THOP1: variants seen among roughly 807,000 people sequenced by gnomAD.
THOP1 encodes thimet oligopeptidase.
THOP1 carries 49 observed loss-of-function variants against 71.8 expected under a neutral mutation model. The ratio of observed to expected loss-of-function variants is 0.68; its 90% CI spans 0.54 to 0.87. The LOEUF (loss-of-function observed/expected upper bound fraction) is 0.87, where lower values mean the gene tolerates loss of function less well. Ranked by LOEUF, THOP1 falls within the 40% of genes least tolerant of loss-of-function variation. The pLI is 0.00. For missense variants in THOP1, 843 were observed against 975.6 expected, an observed-to-expected ratio of 0.86 and a Z score of 1.81; for synonymous variants, 426 against 421.5, an observed-to-expected ratio of 1.01 and a Z score of -0.13.
Position 2,799,681 on chromosome 19 carries a change from CT to C in THOP1, c.487-7del, listed in dbSNP as rs1410516486. Reference sequence around the variant, plus strand: ...CTCCCTCCCCTCACGCCCCGCCTTTCTCTCCAGAACATCAAACGCATCAAGA... The same window carrying C: ...CTCCCTCCCCTCACGCCCCGCCTTTCCTCCAGAACATCAAACGCATCAAGA... On this transcript the variant is annotated splice_region_variant and splice_polypyrimidine_tract_variant and intron_variant, in intron 4 of 12. Transcript: ENST00000307741. 6 of 1,604,954 alleles carry C rather than the reference CT, an allele frequency of 3.7e-6. No individual in the cohort carries two copies. Among genetic ancestry groups the C allele is most frequent in the Non-Finnish European group, 5.1e-6 (6 of 1,174,128 alleles).
rs1334673719 is a variant in THOP1 at position 2,813,944 on chromosome 19, GC to G, written c.*669del. 5 of 152,558 alleles carry G rather than the reference GC, an allele frequency of 3.3e-5. No homozygotes were observed. The highest frequency in any genetic ancestry group is 5.9e-5 in the Non-Finnish European group (4 of 68,316). 9.5% of individuals were successfully genotyped at this position (152,558 alleles called of 1,614,324 possible). ...GGCCCTGTGCGCACAGGCAGCCGGG[GC>G]GGGGCTGGGGGTCAGCAGCTGCCCA... On this transcript the variant is annotated 3_prime_UTR_variant, in exon 13 of 13. Transcript: ENST00000307741.
In THOP1 at chr19:2,813,478, G is replaced by A; in HGVS notation, c.*202G>A. ...GACGGCGTCCTCAAGGCATCTGGAG[G>A]GCTTTCGTGGCTGCCAGGGCCTGGT... On this transcript the variant is annotated 3_prime_UTR_variant, in exon 13 of 13. Transcript: ENST00000307741. 1 of 598,598 alleles carries A rather than the reference G, an allele frequency of 1.7e-6. No individual in the cohort carries two copies. Among genetic ancestry groups the A allele is most frequent in the Non-Finnish European group, 2.8e-6 (1 of 352,518 alleles). The allele number at this position is 598,598 out of a possible 1,614,324, so 37.1% of individuals were successfully genotyped here. A position where few individuals can be genotyped will look rare whatever the true frequency, so the allele number is the denominator to read the frequency against.
Position 2,813,437 on chromosome 19 carries a change from G to A in THOP1, c.*161G>A. On this transcript the variant is annotated 3_prime_UTR_variant, in exon 13 of 13. Transcript: ENST00000307741. ...TCATTGTCTGTCCCCACCCGGTCGT[G>A]GCCCACCCGGCTAGAGACGGCGTCC... The A allele has an allele frequency of 1.1e-6, 1 of 916,812 alleles. No individual in the cohort carries two copies. The highest frequency in any genetic ancestry group is 1.6e-6 in the Non-Finnish European group (1 of 637,168). The allele number at this position is 916,812 out of a possible 1,614,324, so 56.8% of individuals were successfully genotyped here. A position where few individuals can be genotyped will look rare whatever the true frequency, so the allele number is the denominator to read the frequency against.
rs1916105223 is a variant in THOP1, at chr19:2,799,847, C to G, written c.589+56C>G. ...CATCGGTCCTGGGACTCAGTGCAGG[C>G]CTGCCAGGCCCTCGGGGGCCGCCGC... On this transcript the variant is annotated intron_variant, in intron 5 of 12. Coordinates refer to ENST00000307741, the MANE Select transcript of THOP1 (RefSeq NM_003249.5). 6 of 1,487,010 alleles carry G rather than the reference C, an allele frequency of 4.0e-6. No individual in the cohort carries two copies. In the East Asian group the frequency reaches 1.1e-4, roughly 28 times the overall value. The allele number at this position is 1,487,010 out of a possible 1,614,324, so 92.1% of individuals were successfully genotyped here. A position where few individuals can be genotyped will look rare whatever the true frequency, so the allele number is the denominator to read the frequency against.
rs540168158 is a variant in THOP1, at chr19:2,801,408, G to A, written c.589+1617G>A. On this transcript the variant is annotated intron_variant, in intron 5 of 12. Transcript: ENST00000307741. The surrounding 1 kb of genome is among the most constrained non-coding windows in gnomAD (Gnocchi z 5.1). ...TTGGTGTCTAACTCTTTGGGGTGCC[G>A]TTCCATTTGTCGGGCCTGAGGGGTC... Among the ~76,000 whole-genome samples, 4 of 152,264 alleles carry A rather than the reference G, an allele frequency of 2.6e-5. No homozygotes were observed. Among genetic ancestry groups the A allele is most frequent in the East Asian group, 1.9e-4 (1 of 5,178 alleles).
chr19:2,794,609 C>T (rs1915966973), intron 2 of THOP1, among the ~76,000 whole-genome samples, 155 bp from the exon 3 acceptor site: 1 of 152,158 alleles, frequency 6.6e-6, no homozygotes, highest in Admixed American at 6.5e-5. Flanking sequence ...GGGACGGTGG[C>T]GTGTGCCTCT....
intron 1 of THOP1, among the ~76,000 whole-genome samples, chr19:2,786,103 GT>G (rs112963705): frequency 0.1 from 14,455 of 140,312 alleles, 2,258 homozygotes; most frequent in African/African-American, 0.36. Flanking sequence ...AGAGAGGGTG[GT>G]TCCTGGGGGG....
In THOP1 at chr19:2,805,538, C is replaced by T. The variant is rs111786781; in HGVS notation, c.750+362C>T. 0.015 allele frequency among the ~76,000 whole-genome samples: 2,220 copies of T among 152,288 alleles called. 62 individuals are homozygous for T. The highest frequency in any genetic ancestry group is 0.051 in the African/African-American group (2,104 of 41,538). The stretch of plus-strand genomic sequence containing the variant: ...TCCTTTTGTCTTAAATGATGGTGCC[C>T]GGACCTGAGCCTGGGTCCACAGGTG... On this transcript the variant is annotated intron_variant, in intron 6 of 12. Coordinates refer to ENST00000307741, the MANE Select transcript of THOP1 (RefSeq NM_003249.5). The surrounding 1 kb of genome is among the most constrained non-coding windows in gnomAD (Gnocchi z 6.6).
rs1916268819 is a variant in THOP1 at position 2,805,549 on chromosome 19, C to T, written c.750+373C>T. On this transcript the variant is annotated intron_variant, in intron 6 of 12. Coordinates refer to ENST00000307741, the MANE Select transcript of THOP1 (RefSeq NM_003249.5). The surrounding 1 kb of genome is among the most constrained non-coding windows in gnomAD (Gnocchi z 6.6). ...TAAATGATGGTGCCCGGACCTGAGC[C>T]TGGGTCCACAGGTGGGTTGTGACTG... Among the ~76,000 whole-genome samples, 1 of 152,228 alleles carries T rather than the reference C, an allele frequency of 6.6e-6. No homozygotes were observed. Among genetic ancestry groups the T allele is most frequent in the Non-Finnish European group, 1.5e-5 (1 of 68,042 alleles).
In THOP1 at chr19:2,805,703, G is replaced by A. The variant is rs927663749; in HGVS notation, c.750+527G>A. Among the ~76,000 whole-genome samples, 3 of 152,192 alleles carry A rather than the reference G, an allele frequency of 2.0e-5. No individual in the cohort carries two copies. The highest frequency in any genetic ancestry group is 7.2e-5 in the African/African-American group (3 of 41,448). ...CCATTCGCCATCTGGAACAGGCAGA[G>A]GCTCTAGGAGTGGGCCTCTTGGTCC... On this transcript the variant is annotated intron_variant, in intron 6 of 12. Coordinates refer to ENST00000307741, the MANE Select transcript of THOP1 (RefSeq NM_003249.5). This position sits in a 1 kb window ranked among gnomAD's most constrained non-coding sequence, Gnocchi z 6.6.
rs1185046738 is a variant in THOP1 at position 2,801,182 on chromosome 19, C to T, written c.589+1391C>T. On this transcript the variant is annotated intron_variant, in intron 5 of 12. Coordinates refer to ENST00000307741, the MANE Select transcript of THOP1 (RefSeq NM_003249.5). The surrounding 1 kb of genome is among the most constrained non-coding windows in gnomAD (Gnocchi z 5.1). ...GCACAGTTATCTGTCCGTGCCAGCT[C>T]GTGGGTCCTGGGTGTGAATCCTGGG... is the stretch of plus-strand genomic sequence containing the variant. 6.6e-6 allele frequency among the ~76,000 whole-genome samples: 1 copy of T among 152,130 alleles called. No individual in the cohort carries two copies. The highest frequency in any genetic ancestry group is 1.9e-4 in the East Asian group (1 of 5,182).
chr19:2,795,655 A>G (rs968972191), intron 3 of THOP1, among the ~76,000 whole-genome samples: 3 of 152,212 alleles, frequency 2.0e-5, no homozygotes, highest in South Asian at 4.1e-4. Flanking sequence ...GGCCCACGCA[A>G]TCCTCCCACC....
At chr19:2,806,515 T>C (rs1916296027) in intron 6 of THOP1, 1 of 241,030 alleles carries the variant, frequency 4.1e-6, no homozygotes, top group Admixed American at 5.9e-5. Context: ...ACTGGCTTGG[T>C]TGGCAGTGCC....
At chr19:2,799,007 C>T (rs956991334) in intron 4 of THOP1, among the ~76,000 whole-genome samples, 1 of 152,218 alleles carries the variant, frequency 6.6e-6, no homozygotes, top group Non-Finnish European at 1.5e-5. Context: ...GTTTCTAAAA[C>T]CAGCTTTACC....
Position 2,805,874 on chromosome 19 carries a change from CGGGGGG to C in THOP1, c.750+699_750+704del, listed in dbSNP as rs1568324151. Reference sequence around the variant, plus strand: ...GGGGACGGGCGGGTGCCCATCACTGCGGGGGGACGGGCGGGTGCCCATCACTGCGGG... The same window carrying C: ...GGGGACGGGCGGGTGCCCATCACTGCACGGGCGGGTGCCCATCACTGCGGG... On this transcript the variant is annotated intron_variant, in intron 6 of 12. Coordinates refer to ENST00000307741, the MANE Select transcript of THOP1 (RefSeq NM_003249.5). This position sits in a 1 kb window ranked among gnomAD's most constrained non-coding sequence, Gnocchi z 6.6. 1 of 119,276 alleles carries C rather than the reference CGGGGGG, an allele frequency of 8.4e-6. No individual in the cohort carries two copies. The highest frequency in any genetic ancestry group is 3.2e-5 in the African/African-American group (1 of 31,450). The allele number at this position is 119,276 out of a possible 1,614,324, so 7.4% of individuals were successfully genotyped here.
intron 5 of THOP1, among the ~76,000 whole-genome samples, chr19:2,802,189 G>A (rs1007098761): frequency 1.4e-4 from 20 of 142,848 alleles, no homozygotes; most frequent in East Asian, 4.3e-4. Context: ...CAACACCGCC[G>A]TCTCCCGATA....
chr19:2,807,996 A>C (rs1423122542), intron 8 of THOP1, 188 bp downstream of exon 8: 1 of 802,406 alleles, frequency 1.2e-6, no homozygotes, highest in Non-Finnish European at 1.9e-6. Context: ...TTCCAGTCTC[A>C]CTCAGCCACC....
chr19:2,790,973 G>T (rs562169854), intron 2 of THOP1, among the ~76,000 whole-genome samples: 1 of 152,354 alleles, frequency 6.6e-6, no homozygotes, highest in South Asian at 2.1e-4. Context: ...TAAACAGCAC[G>T]CCTCTCCAGC....
At position 2,785,519 on chromosome 19, in the gene THOP1, G is replaced by T; in HGVS notation, c.-144G>T. On this transcript the variant is annotated 5_prime_UTR_variant, in exon 1 of 13. Coordinates refer to ENST00000307741, the MANE Select transcript of THOP1 (RefSeq NM_003249.5). ...CGCCGCCCCAGCATGCCCCGGGAGC[G>T]CGGGCGGCGGGCCCCTTGGTCCTCA... 1 of 877,192 alleles carries T rather than the reference G, an allele frequency of 1.1e-6. No individual in the cohort carries two copies. Among genetic ancestry groups the T allele is most frequent in the Non-Finnish European group, 1.5e-6 (1 of 648,734 alleles). 54.3% of individuals were successfully genotyped at this position (877,192 alleles called of 1,614,324 possible).
Sources: allele counts gnomAD v4.1 joint callset (sites outside exome capture counted in the v4.1 genomes callset), GRCh38; gene constraint gnomAD v4.1.1; non-coding constraint Gnocchi (gnomAD v3.1); transcripts MANE v1.5; gene names NCBI Gene and HGNC (gene_info 2026-07-23, HGNC 2026-07-21).